The following BTBD9 variants were observed in gnomAD, a reference collection of about 807,000 sequenced individuals.
BTBD9 encodes BTB domain containing 9, also known as BTB/POZ domain-containing protein 9.
Under a neutral mutation model 64.3 loss-of-function variants are expected in BTBD9, and 49 were observed. The ratio of observed to expected loss-of-function variants is 0.76; its 90% CI spans 0.61 to 0.97. The LOEUF (loss-of-function observed/expected upper bound fraction) is 0.97, where lower values mean the gene tolerates loss of function less well. Among genes scored for constraint, BTBD9 ranks in the 50% least tolerant of loss-of-function variants. The probability of loss-of-function intolerance (pLI) is 0.00; values close to 1 mark genes in which losing one functional copy is unlikely to be tolerated. For missense variants in BTBD9, 598 were observed against 762.1 expected, an observed-to-expected ratio of 0.78 and a Z score of 2.53; for synonymous variants, 260 against 274.7, an observed-to-expected ratio of 0.95 and a Z score of 0.53.
At chr6:38,438,641 A>G (rs1380348269) in intron 6 of BTBD9, among the ~76,000 whole-genome samples, 1 of 152,250 alleles carries the variant, frequency 6.6e-6, no homozygotes, top group Non-Finnish European at 1.5e-5. Flanking sequence ...AGGAAGGGTG[A>G]AAGTTCATTC....
chr6:38,457,331 A>G (rs1769866862), intron 6 of BTBD9, among the ~76,000 whole-genome samples: 1 of 152,152 alleles, frequency 6.6e-6, no homozygotes, highest in Non-Finnish European at 1.5e-5. Flanking sequence ...AAGCAAGAAG[A>G]CCAGTTAGAA....
At chr6:38,378,245 C>CT (rs1222285736) in intron 6 of BTBD9, among the ~76,000 whole-genome samples, 2,400 of 136,876 alleles carry the variant, frequency 0.018, 46 homozygotes, top group African/African-American at 0.048. Flanking sequence ...CAAAACTTTT[C>CT]TTTTTTTTTT....
chr6:38,348,258 G>A (rs751265444), intron 6 of BTBD9, among the ~76,000 whole-genome samples: 2 of 152,124 alleles, frequency 1.3e-5, no homozygotes, highest in Non-Finnish European at 2.9e-5. Context: ...CTTGGTTCTC[G>A]GTCATAACAC....
chr6:38,237,081 G>A (rs2127521478), intron 9 of BTBD9, among the ~76,000 whole-genome samples: 1 of 152,292 alleles, frequency 6.6e-6, no homozygotes, highest in South Asian at 2.1e-4. Context: ...TTGCTTTTTA[G>A]TTTTGTCTTC....
intron 9 of BTBD9, among the ~76,000 whole-genome samples, chr6:38,196,001 G>T (rs1007904776): frequency 3.3e-5 from 5 of 152,224 alleles, no homozygotes; most frequent in African/African-American, 1.2e-4. Context: ...ATTGTCCAAG[G>T]ATTTAACAAT....
chr6:38,484,865 G>A (rs1191774974), intron 6 of BTBD9, among the ~76,000 whole-genome samples: 4 of 152,212 alleles, frequency 2.6e-5, no homozygotes, highest in African/African-American at 7.2e-5. Flanking sequence ...ACTGATCAGG[G>A]TGGTGGTTGC....
At chr6:38,175,329 G>T in intron 10 of BTBD9, 147 bp from the exon 11 acceptor site, 4 of 740,884 alleles carry the variant, frequency 5.4e-6, no homozygotes, top group Non-Finnish European at 8.9e-6. Context: ...CGCCTGCCCC[G>T]GCGCAGACAC....
At position 38,174,628 on chromosome 6, in the gene BTBD9, G is replaced by C. The variant is rs544650510; in HGVS notation, c.*357C>G. 4.1e-6 allele frequency: 1 copy of C among 242,424 alleles called. No homozygotes were observed. The highest frequency in any genetic ancestry group is 7.9e-6 in the Non-Finnish European group (1 of 126,874). The allele number at this position is 242,424 out of a possible 1,614,324, so 15.0% of individuals were successfully genotyped here. A position where few individuals can be genotyped will look rare whatever the true frequency, so the allele number is the denominator to read the frequency against. ...CAAAGGCCCAATGGCTTTCTCCTCC[G>C]CCTGAGTGTTTGCGTGCCATTTTTG... On this transcript the variant is annotated 3_prime_UTR_variant, in exon 11 of 11. Transcript: ENST00000481247.
At chr6:38,317,424 C>T (rs191279390) in intron 7 of BTBD9, among the ~76,000 whole-genome samples, 7 of 152,192 alleles carry the variant, frequency 4.6e-5, no homozygotes, top group East Asian at 1.9e-4. Flanking sequence ...CTTTTAGGAT[C>T]CTTTTTTTTT....
In BTBD9 at chr6:38,333,035, T is replaced by C. The variant is rs75118629; in HGVS notation, c.1264+11949A>G. ...TTCTAGACCGTTATCCCATCTCTAA[T>C]GGCATGAGGTAGGTCAGGGGTGGAT... is the stretch of plus-strand genomic sequence containing the variant. On this transcript the variant is annotated intron_variant, in intron 7 of 10. Coordinates refer to ENST00000481247, the MANE Select transcript of BTBD9 (RefSeq NM_001099272.2). Among the ~76,000 whole-genome samples, 68 of 152,320 alleles carry C rather than the reference T, an allele frequency of 4.5e-4. 2 individuals are homozygous for C. In the East Asian group the frequency reaches 0.012, roughly 26 times the overall value.
At chr6:38,320,938 T>C (rs12664020) in intron 7 of BTBD9, among the ~76,000 whole-genome samples, 24,610 of 152,190 alleles carry the variant, frequency 0.16, 2,118 homozygotes, top group Admixed American at 0.18. Flanking sequence ...CACCTGCTAG[T>C]GTAATATGCA....
intron 6 of BTBD9, among the ~76,000 whole-genome samples, chr6:38,561,837 C>T (rs1344987792): frequency 6.6e-6 from 1 of 152,068 alleles, no homozygotes; most frequent in African/African-American, 2.4e-5. Context: ...ATGCTCACTA[C>T]CTGGGTGACA....
intron 6 of BTBD9, among the ~76,000 whole-genome samples, chr6:38,391,963 C>T (rs1766437947): frequency 6.6e-6 from 1 of 152,164 alleles, no homozygotes; most frequent in Admixed American, 6.5e-5. Flanking sequence ...TTTGGATACC[C>T]CAGGCAGTCT....
chr6:38,573,337 T>C (rs1342972817), intron 6 of BTBD9, among the ~76,000 whole-genome samples: 1 of 152,168 alleles, frequency 6.6e-6, no homozygotes, highest in Non-Finnish European at 1.5e-5. Flanking sequence ...ATTATAACTT[T>C]ATAATGAGAG....
chr6:38,515,423 T>C (rs1015662473), intron 6 of BTBD9, among the ~76,000 whole-genome samples: 2 of 152,268 alleles, frequency 1.3e-5, no homozygotes, highest in South Asian at 4.2e-4. Context: ...GATATCACTA[T>C]GGAATTTGAG....
intron 9 of BTBD9, among the ~76,000 whole-genome samples, chr6:38,205,905 A>G (rs1203981597): frequency 1.3e-5 from 2 of 149,624 alleles, no homozygotes; most frequent in African/African-American, 2.5e-5. Flanking sequence ...AGAAAGAAAG[A>G]AAGGAAGTTA....
At chr6:38,266,578 AGAAAGAAAG>A (rs1198955278) in intron 8 of BTBD9, among the ~76,000 whole-genome samples, 23 of 145,698 alleles carry the variant, frequency 1.6e-4, no homozygotes, top group African/African-American at 3.3e-4. Flanking sequence ...AGTCTCAACA[AGAAAGAAAG>A]GAAAGAAAGG....
At chr6:38,325,913 C>T (rs185157836) in intron 7 of BTBD9, among the ~76,000 whole-genome samples, 2 of 152,260 alleles carry the variant, frequency 1.3e-5, no homozygotes, top group East Asian at 3.9e-4. Context: ...GGGTTCCAAA[C>T]GCTGGGAATA....
At chr6:38,199,611 T>C (rs893844614) in intron 9 of BTBD9, among the ~76,000 whole-genome samples, 2 of 152,144 alleles carry the variant, frequency 1.3e-5, no homozygotes, top group South Asian at 2.1e-4. Flanking sequence ...GAGGAACACA[T>C]TGCTTTAGTT....
Sources: allele counts gnomAD v4.1 joint callset (sites outside exome capture counted in the v4.1 genomes callset), GRCh38; gene constraint gnomAD v4.1.1; transcripts MANE v1.5; gene names NCBI Gene and HGNC (gene_info 2026-07-23, HGNC 2026-07-21).